SEMA6D: variants seen among roughly 807,000 people sequenced by gnomAD.
SEMA6D encodes semaphorin-6D.
SEMA6D carries 35 observed loss-of-function variants against 106.6 expected under a neutral mutation model. The observed-to-expected ratio is 0.33, with a 90% CI of 0.25 to 0.44. The LOEUF is 0.44. SEMA6D is among the 20% of genes least tolerant of loss of function. SEMA6D has a pLI of 1.00. For synonymous variants in SEMA6D, 499 were observed against 487.7 expected (o/e 1.02, Z -0.31); for missense variants, 1,185 against 1,345.9 (o/e 0.88, Z 1.87).
intron 4 of SEMA6D, among the ~76,000 whole-genome samples, chr15:47,704,875 G>C (rs142948282): frequency 1.3e-5 from 2 of 152,060 alleles, no homozygotes; most frequent in African/African-American, 4.8e-5. Context: ...GAAATGAGAG[G>C]TTTACATTTT....
At chr15:47,397,956 A>G (rs558613377) in intron 1 of SEMA6D, 3 of 152,308 alleles carry the variant, frequency 2.0e-5, no homozygotes, top group Non-Finnish European at 4.4e-5. Context: ...TGTGCTTTAT[A>G]AACAAATATG....
chr15:47,765,852 T>C lies in SEMA6D; in HGVS notation c.1428-17T>C. The C allele has an allele frequency of 2.0e-6, 3 of 1,485,304 alleles. No homozygotes were observed. The highest frequency in any genetic ancestry group is 2.7e-6 in the Non-Finnish European group (3 of 1,117,166). 92.0% of individuals were successfully genotyped at this position (1,485,304 alleles called of 1,614,324 possible). ...ACTGACTAAACATATGGCTTCAAAA[T>C]GTATCCCACAAAATAGGTGCAGTGC... On this transcript the variant is annotated splice_polypyrimidine_tract_variant and intron_variant, in intron 13 of 18. Transcript: ENST00000536845.
Sources: gnomAD v4.1 joint callset for allele counts (sites outside exome capture counted in the v4.1 genomes callset) on GRCh38, gnomAD v4.1.1 for gene constraint, MANE v1.5 for transcripts, NCBI Gene and HGNC (gene_info 2026-07-23, HGNC 2026-07-21) for gene names.